POLA1: variants seen among roughly 807,000 people sequenced by gnomAD.
The protein encoded by POLA1 is DNA polymerase alpha 1, catalytic subunit.
POLA1 carries 15 observed loss-of-function variants against 124.0 expected under a neutral mutation model. The observed-to-expected ratio is 0.12, with a 90% confidence interval of 0.08 to 0.19. The LOEUF is 0.19. Ranked by LOEUF, POLA1 falls within the 10% of genes least tolerant of loss-of-function variation. The pLI is 1.00. For synonymous variants in POLA1, 408 were observed against 389.4 expected, an observed-to-expected ratio of 1.05 and a Z score of -0.56; for missense variants, 886 against 1,103.4, an observed-to-expected ratio of 0.80 and a Z score of 2.79.
At chrX:24,832,945 G>A (rs1372886860) in intron 32 of POLA1, among the ~76,000 whole-genome samples, 1 of 111,569 alleles carries the variant, frequency 9.0e-6, no homozygotes, top group African/African-American at 3.3e-5. Flanking sequence ...TTGGGGGAAC[G>A]GTTAGTGTTT....
intron 36 of POLA1, among the ~76,000 whole-genome samples, chrX:24,944,910 G>C (rs1411134392): frequency 8.9e-6 from 1 of 112,093 alleles, no homozygotes; most frequent in Non-Finnish European, 1.9e-5. Context: ...TAAAATGTTT[G>C]TTGTTTTGTT....
At position 24,716,886 on chromosome X, in the gene POLA1, A is replaced by G. The variant is rs754517229; in HGVS notation, c.621A>G (p.Ala207=). 2.6e-6 allele frequency: 3 copies of G among 1,173,441 alleles called. No individual in the cohort carries two copies. Among genetic ancestry groups the G allele is most frequent in the Non-Finnish European group, 3.5e-6 (3 of 862,768 alleles). ...PNPFSVHTAT[A]VPSGKIASPV... is the part of the protein sequence containing the mutation. ...TAAATATTTAAAAACGTTTACAGGC[A>G]GTTCCTTCAGGAAAAATTGCTTCCC... The change falls in exon 8 of 37, where the codon GCA becomes GCG. Residue 207 remains alanine, a splice_region_variant and synonymous_variant. Coordinates refer to ENST00000379068, the MANE Select transcript of POLA1 (RefSeq NM_001330360.2).
intron 26 of POLA1, among the ~76,000 whole-genome samples, chrX:24,764,489 A>G (rs1011136572): frequency 7.2e-5 from 8 of 111,594 alleles, no homozygotes; most frequent in African/African-American, 2.3e-4. Context: ...TTTAAAACTG[A>G]TTTTCTTCAC....
At chrX:24,782,633 C>T (rs944112107) in intron 26 of POLA1, among the ~76,000 whole-genome samples, 3 of 111,013 alleles carry the variant, frequency 2.7e-5, no homozygotes, top group African/African-American at 9.8e-5. Context: ...TTTTTTTCCC[C>T]CTTACATCCA....
intron 29 of POLA1, among the ~76,000 whole-genome samples, chrX:24,813,963 G>C (rs1380999206): frequency 3.6e-5 from 4 of 111,773 alleles, no homozygotes; most frequent in African/African-American, 9.8e-5. Flanking sequence ...TTATAAACTT[G>C]TTTTCTAGTC....
intron 26 of POLA1, among the ~76,000 whole-genome samples, chrX:24,787,908 A>G (rs2045397133): frequency 8.9e-6 from 1 of 112,183 alleles, no homozygotes; most frequent in African/African-American, 3.2e-5. Context: ...ATGCTACAAG[A>G]AAATAAAATT....
At chrX:24,702,066 C>CTTTTTTTTTTTTTTTTTT (rs1374389090) in intron 2 of POLA1, among the ~76,000 whole-genome samples, 1 of 84,200 alleles carries the variant, frequency 1.2e-5, no homozygotes, top group Admixed American at 1.4e-4. Flanking sequence ...GAATCAGGTA[C>CTTTTTTTTTTTTTTTTTT]TTTTTTTTTT....
rs1223709834 is a variant in POLA1 at position 24,955,155 on chromosome X, G to GT, written c.4261+24619dup. ...TTTGGTTTTTTTCTCTTTGTTTTTG[G>GT]TTTTTTTTTTTTTCTTCTCTTTTTT... On this transcript the variant is annotated intron_variant, in intron 36 of 36. Coordinates refer to ENST00000379068, the MANE Select transcript of POLA1 (RefSeq NM_001330360.2). 3.9e-3 allele frequency among the ~76,000 whole-genome samples: 391 copies of GT among 99,969 alleles called. 3 individuals carry two copies. The highest frequency in any genetic ancestry group is 8.9e-3 in the African/African-American group (249 of 27,847). The allele number at this position is 99,969 out of a possible 115,157, so 86.8% of individuals were successfully genotyped here.
At chrX:24,724,579 T>G in intron 12 of POLA1, 128 bp downstream of exon 12, 1 of 422,719 alleles carries the variant, frequency 2.4e-6, no homozygotes, top group Non-Finnish European at 4.2e-6. Context: ...GAATGGAAAT[T>G]TCATAGGTAT....
rs756046214 is a variant in POLA1 at position 24,821,544 on chromosome X, G to A, written c.3522G>A (p.Lys1174=). ...GGATAAATTCTCAAGGAGGCAGAAA[G>A]GTGAAAGCTGGAGATACTGTGTCAT... is the stretch of plus-strand genomic sequence containing the variant. The part of the protein sequence containing the change: ...ALWINSQGGR[K]VKAGDTVSYV... Residue 1174 remains lysine, a synonymous_variant, in exon 31 of 37, where the codon AAG becomes AAA. Coordinates refer to ENST00000379068, the MANE Select transcript of POLA1 (RefSeq NM_001330360.2). The A allele has an allele frequency of 8.3e-7, 1 of 1,200,466 alleles. No individual in the cohort carries two copies. Among genetic ancestry groups the A allele is most frequent in the African/African-American group, 1.8e-5 (1 of 57,139 alleles).
chrX:24,884,979 G>A (rs2047047702), intron 34 of POLA1, among the ~76,000 whole-genome samples: 1 of 112,298 alleles, frequency 8.9e-6, no homozygotes, highest in Admixed American at 9.4e-5. Flanking sequence ...TTAAAAACAG[G>A]TGAGATGATA....
intron 26 of POLA1, among the ~76,000 whole-genome samples, chrX:24,750,993 C>T (rs1932291631): frequency 8.9e-6 from 1 of 112,079 alleles, no homozygotes; most frequent in Admixed American, 9.5e-5. Flanking sequence ...AATTTTATTT[C>T]TTTACAAGTA....
chrX:24,776,411 G>T (rs565238916), intron 26 of POLA1, among the ~76,000 whole-genome samples: 7 of 111,979 alleles, frequency 6.3e-5, no homozygotes, highest in African/African-American at 2.3e-4. Context: ...TCCTAAATTG[G>T]ATAAGAGCTG....
intron 34 of POLA1, among the ~76,000 whole-genome samples, chrX:24,861,057 T>G (rs1412953938): frequency 8.9e-6 from 1 of 112,708 alleles, no homozygotes; most frequent in African/African-American, 3.2e-5. Flanking sequence ...CTTCTTGATG[T>G]AAAACCCCTG....
At chrX:24,927,459 C>T (rs2047711887) in intron 35 of POLA1, among the ~76,000 whole-genome samples, 1 of 111,825 alleles carries the variant, frequency 8.9e-6, no homozygotes, top group South Asian at 3.7e-4. Context: ...TCTTTCCTTA[C>T]CCCTGTGTGT....
intron 36 of POLA1, among the ~76,000 whole-genome samples, chrX:24,945,301 G>A (rs2047947853): frequency 8.9e-6 from 1 of 112,428 alleles, no homozygotes; most frequent in Non-Finnish European, 1.9e-5. Flanking sequence ...AGTACTTAGT[G>A]TTACAACTGT....
intron 32 of POLA1, among the ~76,000 whole-genome samples, chrX:24,838,648 G>A (rs1378009974): frequency 1.8e-5 from 2 of 112,901 alleles, no homozygotes; most frequent in African/African-American, 6.4e-5. Flanking sequence ...AATGTACGCA[G>A]TGTAACATTA....
chrX:24,928,320 G>A (rs779929436), intron 35 of POLA1, among the ~76,000 whole-genome samples: 1 of 111,857 alleles, frequency 8.9e-6, no homozygotes, highest in African/African-American at 3.2e-5. Context: ...GGCTGGCAAA[G>A]GTTGTTGTAT....
chrX:24,707,613 TA>T (rs1334091698), intron 4 of POLA1, among the ~76,000 whole-genome samples: 1 of 112,429 alleles, frequency 8.9e-6, no homozygotes, highest in Admixed American at 9.4e-5. Context: ...CAATGTACTT[TA>T]AAGGCTTATA....
Sources: gnomAD v4.1 joint callset for allele counts (sites outside exome capture counted in the v4.1 genomes callset) on GRCh38, gnomAD v4.1.1 for gene constraint, MANE v1.5 for transcripts, NCBI Gene and HGNC (gene_info 2026-07-23, HGNC 2026-07-21) for gene names.